The following BICC1 variants were observed in gnomAD, a reference collection of about 807,000 sequenced individuals.
BICC1 encodes BicC family RNA binding protein 1, also known as protein bicaudal C homolog 1.
Under a neutral mutation model 111.0 loss-of-function variants are expected in BICC1, and 43 were observed. The ratio of observed to expected loss-of-function variants is 0.39; its 90% CI spans 0.30 to 0.50. The LOEUF is 0.50. Ranked by LOEUF, BICC1 falls within the 20% of genes least tolerant of loss-of-function variation. BICC1 has a pLI of 0.88. For missense variants in BICC1, 1,091 were observed against 1,203.2 expected, an observed-to-expected ratio of 0.91 and a Z score of 1.38; for synonymous variants, 467 against 434.4, an observed-to-expected ratio of 1.07 and a Z score of -0.93.
intron 5 of BICC1, 59 bp downstream of exon 5, chr10:58,787,140 C>A: frequency 7.0e-7 from 1 of 1,431,008 alleles, no homozygotes; most frequent in Non-Finnish European, 9.3e-7. Context: ...ATTTAATTTT[C>A]AGTTTGCCTA....
intron 20 of BICC1, chr10:58,823,351 G>C (rs1844306019): frequency 2.0e-6 from 2 of 985,180 alleles, no homozygotes; most frequent in South Asian, 9.4e-5. Flanking sequence ...AAAAATATTA[G>C]AGGAGTTTGC....
intron 2 of BICC1, among the ~76,000 whole-genome samples, chr10:58,664,062 C>T (rs1838931115): frequency 6.6e-6 from 1 of 152,140 alleles, no homozygotes; most frequent in African/African-American, 2.4e-5. Context: ...TATATTTTCA[C>T]TTCTTTTGTA....
chr10:58,801,418 C>A (rs929972973), intron 14 of BICC1, among the ~76,000 whole-genome samples: 3 of 152,136 alleles, frequency 2.0e-5, no homozygotes, highest in Non-Finnish European at 4.4e-5. Context: ...GAATTTCTTT[C>A]TTACTGTGGC....
At chr10:58,818,690 T>A (rs1159656590) in intron 19 of BICC1, among the ~76,000 whole-genome samples, 1 of 152,118 alleles carries the variant, frequency 6.6e-6, no homozygotes, top group African/African-American at 2.4e-5. Context: ...TATTGATTTT[T>A]TTTTTCTGTT....
intron 1 of BICC1, among the ~76,000 whole-genome samples, chr10:58,563,724 G>C (rs1437390555): frequency 7.2e-5 from 11 of 152,242 alleles, no homozygotes; most frequent in Admixed American, 2.6e-4. Flanking sequence ...AGAGACAAAG[G>C]GGTGTTTTAA....
chr10:58,808,757 C>T (rs1197271414), intron 17 of BICC1, among the ~76,000 whole-genome samples: 1 of 151,594 alleles, frequency 6.6e-6, no homozygotes, highest in Non-Finnish European at 1.5e-5. Flanking sequence ...CTCAACCCCC[C>T]TAAGCTGCAG....
In BICC1 at chr10:58,829,190, G is replaced by GTTTT. The variant is rs1844487126; in HGVS notation, c.*299_*300insTTTT. On this transcript the variant is annotated 3_prime_UTR_variant, in exon 21 of 21. Transcript: ENST00000373886. ...TTACCTATATAACATATGCACTGAT[G>GTTTT]ATTTTTTTTTTTTTTTTTTTTTTTT... 1.4e-5 allele frequency: 1 copy of GTTTT among 73,564 alleles called. No individual in the cohort carries two copies. The highest frequency in any genetic ancestry group is 2.4e-5 in the Non-Finnish European group (1 of 42,174). The allele number at this position is 73,564 out of a possible 1,614,324, so 4.6% of individuals were successfully genotyped here.
intron 2 of BICC1, among the ~76,000 whole-genome samples, chr10:58,663,268 T>C (rs1479628698): frequency 6.6e-6 from 1 of 152,100 alleles, no homozygotes; most frequent in East Asian, 1.9e-4. Context: ...GGTTTCACCA[T>C]GTTGACCAGG....
chr10:58,549,670 T>C (rs1843241160), intron 1 of BICC1, among the ~76,000 whole-genome samples: 1 of 151,094 alleles, frequency 6.6e-6, no homozygotes. Context: ...TTTCAAGAAT[T>C]GTTTGTTTGT....
At chr10:58,672,998 A>G (rs772107671) in intron 2 of BICC1, among the ~76,000 whole-genome samples, 5 of 152,174 alleles carry the variant, frequency 3.3e-5, no homozygotes, top group Non-Finnish European at 5.9e-5. Flanking sequence ...TATATTGCCA[A>G]ATCTAATTCT....
At chr10:58,801,144 G>A (rs1843534824) in intron 14 of BICC1, 98 bp downstream of exon 14, 4 of 1,082,650 alleles carry the variant, frequency 3.7e-6, no homozygotes, top group Non-Finnish European at 4.9e-6. Flanking sequence ...AGTCATGTTT[G>A]ATCTCATCCA....
chr10:58,796,453 A>G lies in BICC1; in HGVS notation c.1293A>G (p.Ala431=). The stretch of plus-strand genomic sequence containing the variant: ...CCATAGCAACCAGTCCATCCCCAGC[A>G]TCCTGCCCTGCCGGCCTGGCATGTC... ...GVTIATSPSP[A]SCPAGLACPS... The change falls in exon 10 of 21, where the codon GCA becomes GCG. Residue 431 remains alanine (A), a synonymous_variant. Coordinates refer to ENST00000373886, the MANE Select transcript of BICC1 (RefSeq NM_001080512.3). The G allele has an allele frequency of 6.2e-7, 1 of 1,614,148 alleles. No individual in the cohort carries two copies. The highest frequency in any genetic ancestry group is 8.5e-7 in the Non-Finnish European group (1 of 1,180,000).
chr10:58,667,836 C>T (rs1011942798), intron 2 of BICC1, among the ~76,000 whole-genome samples: 1 of 152,040 alleles, frequency 6.6e-6, no homozygotes, highest in African/African-American at 2.4e-5. Context: ...GCTCCTAACT[C>T]ATAGCTAGGT....
chr10:58,798,699 A>G, intron 11 of BICC1, 139 bp downstream of exon 11: 5 of 782,032 alleles, frequency 6.4e-6, no homozygotes, highest in South Asian at 2.7e-5. Context: ...AAATTCCCTG[A>G]TATGTAAATT....
At chr10:58,588,617 C>T (rs1160621285) in intron 1 of BICC1, among the ~76,000 whole-genome samples, 1 of 152,184 alleles carries the variant, frequency 6.6e-6, no homozygotes, top group African/African-American at 2.4e-5. Context: ...GCCATTTAAA[C>T]AGGCAGGGGC....
intron 3 of BICC1, among the ~76,000 whole-genome samples, chr10:58,729,564 T>C (rs1215072519): frequency 1.3e-5 from 2 of 152,312 alleles, no homozygotes; most frequent in East Asian, 1.9e-4. Flanking sequence ...AAGAAATACC[T>C]GAGACTGGGT....
chr10:58,581,557 T>A (rs1844280468), intron 1 of BICC1, among the ~76,000 whole-genome samples: 1 of 152,184 alleles, frequency 6.6e-6, no homozygotes, highest in Non-Finnish European at 1.5e-5. Flanking sequence ...TGATGTGAGA[T>A]GTTAGAAATA....
At chr10:58,772,929 C>T (rs985148407) in intron 3 of BICC1, among the ~76,000 whole-genome samples, 2 of 152,120 alleles carry the variant, frequency 1.3e-5, no homozygotes, top group Non-Finnish European at 2.9e-5. Context: ...TAAAGAAATT[C>T]AAAAATGCTG....
At chr10:58,791,137 C>T (rs1843162809) in intron 8 of BICC1, among the ~76,000 whole-genome samples, 1 of 151,882 alleles carries the variant, frequency 6.6e-6, no homozygotes, top group Non-Finnish European at 1.5e-5. Context: ...TTTTTTTTAG[C>T]CGAGCTTATT....
Sources: allele counts gnomAD v4.1 joint callset (sites outside exome capture counted in the v4.1 genomes callset), GRCh38; gene constraint gnomAD v4.1.1; transcripts MANE v1.5; gene names NCBI Gene and HGNC (gene_info 2026-07-23, HGNC 2026-07-21).